Variants in GRIN2A observed in about 807,000 individuals in gnomAD.
The protein encoded by GRIN2A is glutamate receptor ionotropic, NMDA 2A.
In GRIN2A, 22 loss-of-function variants were observed where a neutral mutation model predicts 113.4. That is an observed-to-expected ratio of 0.19 (90% CI 0.14 to 0.28). The LOEUF (loss-of-function observed/expected upper bound fraction) is 0.28, where lower values mean the gene tolerates loss of function less well. Among genes scored for constraint, GRIN2A ranks in the 10% least tolerant of loss-of-function variants. GRIN2A has a pLI of 1.00. For synonymous variants in GRIN2A, 827 were observed against 738.4 expected, an observed-to-expected ratio of 1.12 and a Z score of -1.94; for missense variants, 1,502 against 1,887.0, an observed-to-expected ratio of 0.80 and a Z score of 3.78.
At chr16:9,939,013 T>A (rs1391656089) in intron 2 of GRIN2A, among the ~76,000 whole-genome samples, 1 of 152,216 alleles carries the variant, frequency 6.6e-6, no homozygotes, top group Non-Finnish European at 1.5e-5. Flanking sequence ...ACCCCTTTGT[T>A]ATACAAGCCA....
At chr16:10,026,290 G>A (rs1045395493) in intron 2 of GRIN2A, among the ~76,000 whole-genome samples, 1 of 152,104 alleles carries the variant, frequency 6.6e-6, no homozygotes, top group Non-Finnish European at 1.5e-5. Flanking sequence ...TGTATAACAA[G>A]AGTAATAAAA....
intron 2 of GRIN2A, among the ~76,000 whole-genome samples, chr16:10,157,625 A>C (rs1410510960): frequency 1.3e-5 from 2 of 151,864 alleles, no homozygotes; most frequent in African/African-American, 4.8e-5. Context: ...CATGCAGGAA[A>C]GACTACCATC....
At chr16:9,774,048 G>T (rs527394825) in intron 11 of GRIN2A, among the ~76,000 whole-genome samples, 26 of 149,624 alleles carry the variant, frequency 1.7e-4, no homozygotes, top group African/African-American at 5.9e-4. Context: ...AGGCAGTGTT[G>T]TGTGTGTGTG....
intron 2 of GRIN2A, among the ~76,000 whole-genome samples, chr16:10,028,231 A>G (rs1206134299): frequency 1.3e-5 from 2 of 152,238 alleles, no homozygotes; most frequent in Admixed American, 1.3e-4. Context: ...TGGGACACAC[A>G]GAGTGTTTTG....
At chr16:9,897,371 T>C (rs2043827549) in intron 3 of GRIN2A, among the ~76,000 whole-genome samples, 1 of 152,118 alleles carries the variant, frequency 6.6e-6, no homozygotes, top group Non-Finnish European at 1.5e-5. Context: ...TGATCAGAGA[T>C]AACATTGAAA....
chr16:10,045,901 G>T (rs2047249393), intron 2 of GRIN2A, among the ~76,000 whole-genome samples: 1 of 152,208 alleles, frequency 6.6e-6, no homozygotes, highest in African/African-American at 2.4e-5. Context: ...ACCAGATCGT[G>T]TTTCTTTGCT....
At chr16:10,090,896 T>C (rs73512707) in intron 2 of GRIN2A, among the ~76,000 whole-genome samples, 5,254 of 152,294 alleles carry the variant, frequency 0.034, 290 homozygotes, top group African/African-American at 0.12. Context: ...CAATAGTTAT[T>C]TCATCAAAGA....
At chr16:9,863,926 G>A (rs1386893548) in intron 4 of GRIN2A, among the ~76,000 whole-genome samples, 1 of 152,194 alleles carries the variant, frequency 6.6e-6, no homozygotes, top group Non-Finnish European at 1.5e-5. Flanking sequence ...AAAAGTTTAG[G>A]AGGAGATGTG....
chr16:10,125,575 G>C (rs2048915603), intron 2 of GRIN2A, among the ~76,000 whole-genome samples: 1 of 151,286 alleles, frequency 6.6e-6, no homozygotes, highest in Non-Finnish European at 1.5e-5. Context: ...AAGTCTGAAG[G>C]CTGAGAGCAA....
In GRIN2A at chr16:9,793,713, C is replaced by G. The variant is rs116123921; in HGVS notation, c.2356+4564G>C. On this transcript the variant is annotated intron_variant, in intron 11 of 12. Transcript: ENST00000330684. ...ATACTAGTTATGTCTCGTATTTCTC[C>G]TTGACCATTCTCTTATCTACCCAAC... 6.9e-3 allele frequency among the ~76,000 whole-genome samples: 1,046 copies of G among 152,132 alleles called. 12 individuals carry two copies. Among genetic ancestry groups the G allele is most frequent in the African/African-American group, 0.024 (981 of 41,490 alleles).
intron 2 of GRIN2A, among the ~76,000 whole-genome samples, chr16:9,988,542 A>ATCTCTC (rs140580698): frequency 1.5e-4 from 22 of 148,808 alleles, no homozygotes; most frequent in Admixed American, 9.4e-4. Flanking sequence ...GTACCAATTA[A>ATCTCTC]TCTCTCTCTC....
intron 5 of GRIN2A, among the ~76,000 whole-genome samples, chr16:9,848,300 C>T (rs1283707023): frequency 2.0e-5 from 3 of 150,938 alleles, no homozygotes; most frequent in African/African-American, 4.8e-5. Context: ...ATTGCAACCT[C>T]CACCTCCCAG....
At chr16:9,938,708 G>A in intron 2 of GRIN2A, 157 bp from the exon 3 acceptor site, 1 of 670,308 alleles carries the variant, frequency 1.5e-6, no homozygotes, top group Non-Finnish European at 2.7e-6. Flanking sequence ...AACAGATCCT[G>A]CAAATACAGA....
rs76919562 is a variant in GRIN2A, at chr16:10,008,119, G to C, written c.415-69568C>G. Among the ~76,000 whole-genome samples, 1,222 of 152,264 alleles carry C rather than the reference G, an allele frequency of 8.0e-3. 28 individuals are homozygous for C. Among genetic ancestry groups the C allele is most frequent in the African/African-American group, 0.028 (1,168 of 41,548 alleles). ...TGGGGGGAAGTAATAACACCACAGA[G>C]AGGAGGCAGGGAATGAAGGTATTGG... On this transcript the variant is annotated intron_variant, in intron 2 of 12. Transcript: ENST00000330684.
At chr16:9,930,215 T>C (rs907684997) in intron 3 of GRIN2A, among the ~76,000 whole-genome samples, 3 of 152,224 alleles carry the variant, frequency 2.0e-5, no homozygotes, top group African/African-American at 7.2e-5. Flanking sequence ...AGGAGGAGAA[T>C]TAACACCTGT....
chr16:10,157,563 G>A (rs1048830697), intron 2 of GRIN2A, among the ~76,000 whole-genome samples: 2 of 152,210 alleles, frequency 1.3e-5, no homozygotes, highest in Non-Finnish European at 2.9e-5. Flanking sequence ...CATGGCAGAA[G>A]ATGAAGGGGA....
chr16:9,874,884 G>C (rs1278863385), intron 4 of GRIN2A, among the ~76,000 whole-genome samples: 1 of 151,900 alleles, frequency 6.6e-6, no homozygotes, highest in African/African-American at 2.4e-5. Context: ...TCAGGAATTT[G>C]AGACCAGCCT....
intron 2 of GRIN2A, among the ~76,000 whole-genome samples, chr16:10,093,069 G>A (rs1483599370): frequency 6.6e-6 from 1 of 151,966 alleles, no homozygotes; most frequent in Non-Finnish European, 1.5e-5. Context: ...CAAACTCCTG[G>A]CTCAAGTGAT....
chr16:9,925,927 C>A (rs2044454580), intron 3 of GRIN2A, among the ~76,000 whole-genome samples: 1 of 152,082 alleles, frequency 6.6e-6, no homozygotes, highest in African/African-American at 2.4e-5. Flanking sequence ...AGATTGGAAC[C>A]AAATACTTTA....
Sources: allele counts gnomAD v4.1 joint callset (sites outside exome capture counted in the v4.1 genomes callset), GRCh38; gene constraint gnomAD v4.1.1; transcripts MANE v1.5; gene names NCBI Gene and HGNC (gene_info 2026-07-23, HGNC 2026-07-21).